The following PCDH15 variants were observed in gnomAD, a reference collection of about 807,000 sequenced individuals.
The protein encoded by PCDH15 is protocadherin-15.
A neutral mutation model predicts 178.5 loss-of-function variants in PCDH15; 129 were observed. The observed-to-expected ratio is 0.72, with a 90% CI of 0.63 to 0.84. The LOEUF is 0.84. Ranked by LOEUF, PCDH15 falls within the 40% of genes least tolerant of loss-of-function variation. PCDH15 has a pLI of 0.00. For missense variants in PCDH15, 2,230 were observed against 2,099.9 expected (o/e 1.06, Z -1.21); for synonymous variants, 800 against 732.0 (o/e 1.09, Z -1.50).
chr10:55,272,234 A>G (rs1208880285), intron 1 of PCDH15, among the ~76,000 whole-genome samples: 1 of 151,990 alleles, frequency 6.6e-6, no homozygotes, highest in East Asian at 1.9e-4. Context: ...AGGATTGAAA[A>G]CAAAACAACT....
intron 2 of PCDH15, among the ~76,000 whole-genome samples, chr10:55,507,596 G>A (rs1452340926): frequency 2.5e-4 from 37 of 150,354 alleles, no homozygotes; most frequent in Admixed American, 2.3e-3. Context: ...CACTCTTGTC[G>A]CCCAAGCTGG....
intron 2 of PCDH15, among the ~76,000 whole-genome samples, chr10:55,596,294 C>CT (rs1029518581): frequency 1.3e-5 from 2 of 152,062 alleles, no homozygotes; most frequent in African/African-American, 2.4e-5. Flanking sequence ...TTTGATCCTA[C>CT]TTTTTTTTCT....
rs191286410 is a variant in PCDH15, at chr10:54,055,862, T to A, written c.2220+10895A>T. 8.9e-4 allele frequency among the ~76,000 whole-genome samples: 136 copies of A among 152,374 alleles called. 1 individual carries two copies. The highest frequency in any genetic ancestry group is 3.2e-3 in the African/African-American group (132 of 41,586). On this transcript the variant is annotated intron_variant, in intron 18 of 37. Transcript: ENST00000644397. Reference sequence around the variant, plus strand: ...GAAATAGATCTTTATCTTCTCACTTTCTAACCCAGACTGATGATTGAATTC... The same window carrying A: ...GAAATAGATCTTTATCTTCTCACTTACTAACCCAGACTGATGATTGAATTC...
At chr10:54,658,901 A>G (rs907137999) in intron 2 of PCDH15, among the ~76,000 whole-genome samples, 2 of 152,202 alleles carry the variant, frequency 1.3e-5, no homozygotes, top group Admixed American at 6.5e-5. Flanking sequence ...GGACTGACCT[A>G]CTGTGTAATG....
At chr10:54,174,471 C>T (rs148243592) in intron 13 of PCDH15, among the ~76,000 whole-genome samples, 32 of 151,704 alleles carry the variant, frequency 2.1e-4, no homozygotes, top group Non-Finnish European at 4.4e-4. Context: ...GGAGGCGGAG[C>T]TTGCAGTGAG....
rs569348063 is a variant in PCDH15 at position 55,615,820 on chromosome 10, T to A, written c.-156+11805A>T. 3.3e-5 allele frequency among the ~76,000 whole-genome samples: 5 copies of A among 152,256 alleles called. No homozygotes were observed. In the South Asian group the frequency reaches 1.0e-3, roughly 32 times the overall value. ...GATTTGAGCAGGAATATAATTTCAG[T>A]CCAGGAGGTTGAGTCTGTAGTGAGC... On this transcript the variant is annotated intron_variant, in intron 2 of 5. Transcript: ENST00000613346.
At position 54,062,227 on chromosome 10, in the gene PCDH15, C is replaced by CAAAAAAAAAAA. The variant is rs72361686; in HGVS notation, c.2220+4519_2220+4529dup. Among the ~76,000 whole-genome samples the CAAAAAAAAAAA allele has an allele frequency of 1.0e-3, 54 of 53,786 alleles. 1 individual carries two copies. Among genetic ancestry groups the CAAAAAAAAAAA allele is most frequent in the African/African-American group, 1.3e-3 (14 of 10,462 alleles). The allele number at this position is 53,786 out of a possible 152,430, so 35.3% of individuals were successfully genotyped here. A position where few individuals can be genotyped will look rare whatever the true frequency, so the allele number is the denominator to read the frequency against. ...GGGTGACAAGAGTGAGATTCTGTCT[C>CAAAAAAAAAAA]AAAAAAAAAAAAAAAAAAAAAAAAA... On this transcript the variant is annotated intron_variant, in intron 18 of 37. Coordinates refer to ENST00000644397, the MANE Select transcript of PCDH15 (RefSeq NM_001384140.1).
At chr10:55,213,150 AT>A (rs1840612580) in intron 1 of PCDH15, among the ~76,000 whole-genome samples, 1 of 152,092 alleles carries the variant, frequency 6.6e-6, no homozygotes. Context: ...TCATCTTTTC[AT>A]TGTATCATCT....
In PCDH15 at chr10:54,747,530, C is replaced by A. The variant is rs1393786223; in HGVS notation, c.-29+53395G>T. On this transcript the variant is annotated intron_variant, in intron 1 of 37. Coordinates refer to ENST00000644397, the MANE Select transcript of PCDH15 (RefSeq NM_001384140.1). ...TGTTCCACATAATAAAGCATAACTA[C>A]AGTTTTATAATAGAGGAAAATTTTA... Among the ~76,000 whole-genome samples the A allele has an allele frequency of 2.0e-5, 3 of 152,116 alleles. No homozygotes were observed. The East Asian group carries it at 5.8e-4, about 29-fold the overall frequency.
intron 2 of PCDH15, among the ~76,000 whole-genome samples, chr10:55,044,830 A>G (rs145518617): frequency 1.3e-5 from 2 of 152,226 alleles, no homozygotes; most frequent in Non-Finnish European, 2.9e-5. Context: ...TGTGCTAGAA[A>G]CATAGGGAAT....
intron 2 of PCDH15, among the ~76,000 whole-genome samples, chr10:54,970,318 G>C (rs1331632285): frequency 6.6e-6 from 1 of 152,112 alleles, no homozygotes; most frequent in Non-Finnish European, 1.5e-5. Context: ...CAAGAAGTTA[G>C]GTATTTCTAT....
intron 16 of PCDH15, among the ~76,000 whole-genome samples, chr10:54,080,668 A>G (rs1432986141): frequency 1.3e-5 from 2 of 152,182 alleles, no homozygotes; most frequent in Non-Finnish European, 2.9e-5. Context: ...TTTGCTTATT[A>G]TGTTGTAATG....
intron 1 of PCDH15, among the ~76,000 whole-genome samples, chr10:54,694,011 C>T (rs956479155): frequency 4.6e-5 from 7 of 152,102 alleles, no homozygotes; most frequent in Admixed American, 6.6e-5. Flanking sequence ...CTGTGATTAA[C>T]TTAAACTCTC....
chr10:54,517,068 C>A (rs2082307029), intron 3 of PCDH15, among the ~76,000 whole-genome samples: 1 of 152,110 alleles, frequency 6.6e-6, no homozygotes, highest in African/African-American at 2.4e-5. Flanking sequence ...AAGCACTAAA[C>A]ATGGAAAGGA....
intron 2 of PCDH15, among the ~76,000 whole-genome samples, chr10:55,481,090 T>C (rs1840170594): frequency 6.6e-6 from 1 of 151,900 alleles, no homozygotes; most frequent in Non-Finnish European, 1.5e-5. Flanking sequence ...CAGAAATTTA[T>C]CTATTACTTC....
intron 2 of PCDH15, among the ~76,000 whole-genome samples, chr10:55,379,163 T>A (rs878967617): frequency 6.6e-6 from 1 of 151,746 alleles, no homozygotes; most frequent in African/African-American, 2.4e-5. Context: ...GGAAAACAAA[T>A]CTTTGTTAAG....
At chr10:55,457,838 C>T (rs1839589040) in intron 2 of PCDH15, among the ~76,000 whole-genome samples, 8 of 152,100 alleles carry the variant, frequency 5.3e-5, no homozygotes, top group Admixed American at 3.9e-4. Flanking sequence ...TATTTGCAGT[C>T]TATATACTGA....
At chr10:55,286,142 A>G (rs747161242) in intron 1 of PCDH15, among the ~76,000 whole-genome samples, 6 of 151,986 alleles carry the variant, frequency 3.9e-5, no homozygotes, top group Non-Finnish European at 7.4e-5. Context: ...CATTAAAATT[A>G]TCCAAACTAT....
chr10:55,594,918 T>C (rs1842909834), intron 2 of PCDH15, among the ~76,000 whole-genome samples: 1 of 152,038 alleles, frequency 6.6e-6, no homozygotes, highest in South Asian at 2.1e-4. Context: ...TACCTAAGAA[T>C]ATTGACTTTA....
Sources: gnomAD v4.1 joint callset for allele counts (sites outside exome capture counted in the v4.1 genomes callset) on GRCh38, gnomAD v4.1.1 for gene constraint, MANE v1.5 for transcripts, NCBI Gene and HGNC (gene_info 2026-07-23, HGNC 2026-07-21) for gene names.